PLEKHF2: variants seen among roughly 807,000 people sequenced by gnomAD.
PLEKHF2 encodes pleckstrin homology domain-containing family F member 2.
In PLEKHF2, 4 loss-of-function variants were observed where a neutral mutation model predicts 14.7. That is an observed-to-expected ratio of 0.27 (90% confidence interval 0.13 to 0.62). The LOEUF (loss-of-function observed/expected upper bound fraction) is 0.62. Ranked by LOEUF, PLEKHF2 falls within the 20% of genes least tolerant of loss-of-function variation. The pLI, the probability that PLEKHF2 is intolerant of heterozygous loss-of-function variation, is 0.85. For synonymous variants in PLEKHF2, 90 were observed against 103.5 expected (o/e 0.87, Z 0.79); for missense variants, 201 against 307.7 (o/e 0.65, Z 2.60).
chr8:95,145,437 TTTC>T (rs1810487243), intron 1 of PLEKHF2, among the ~76,000 whole-genome samples: 1 of 152,004 alleles, frequency 6.6e-6, no homozygotes, highest in Admixed American at 6.6e-5. Flanking sequence ...TTTTGAAATA[TTTC>T]TTTTTTTTTT....
chr8:95,136,331 TATACACACACACACACACACACAC>T (rs1171230728), intron 1 of PLEKHF2, among the ~76,000 whole-genome samples: 1 of 107,736 alleles, frequency 9.3e-6, no homozygotes, highest in African/African-American at 4.0e-5. Flanking sequence ...TTTTATTATA[TATACACACACACACACACACACAC>T]ACACACACAC....
intron 1 of PLEKHF2, among the ~76,000 whole-genome samples, chr8:95,142,150 T>C (rs1316063417): frequency 2.0e-5 from 3 of 152,224 alleles, no homozygotes; most frequent in South Asian, 2.1e-4. Context: ...TGTAACTGTT[T>C]TGAATGATAC....
At chr8:95,150,132 T>G (rs1357671969) in intron 1 of PLEKHF2, among the ~76,000 whole-genome samples, 1 of 152,092 alleles carries the variant, frequency 6.6e-6, no homozygotes, top group Non-Finnish European at 1.5e-5. Flanking sequence ...CTCCACTCCT[T>G]TCTTTCCTTG....
chr8:95,154,488 C>A lies in PLEKHF2; in HGVS notation c.444C>A (p.Val148=). ...CACCCAGTAATGAACATGCTGCTGT[C>A]TGGGTTCCTGACTCTGAGGCAACTG... ...GKTPSNEHAA[V]WVPDSEATVC... is the part of the protein sequence containing the mutation. The change falls in exon 2 of 2, where the codon GTC becomes GTA. Residue 148 remains valine, a synonymous_variant. Coordinates refer to ENST00000315367, the MANE Select transcript of PLEKHF2 (RefSeq NM_024613.4). This position sits in a 1 kb window ranked among gnomAD's most constrained non-coding sequence, Gnocchi z 5.6. The A allele has an allele frequency of 6.2e-7, 1 of 1,614,122 alleles. No homozygotes were observed. The highest frequency in any genetic ancestry group is 1.1e-5 in the South Asian group (1 of 91,082).
chr8:95,154,908 A>G lies in PLEKHF2; in HGVS notation c.*114A>G, dbSNP rs1810600110. ...TGTTCTAGCCATGAATTTGCCTGAG[A>G]AACTTGTAACCTATGTGCCTCAATA... is the stretch of plus-strand genomic sequence containing the variant. On this transcript the variant is annotated 3_prime_UTR_variant, in exon 2 of 2. Coordinates refer to ENST00000315367, the MANE Select transcript of PLEKHF2 (RefSeq NM_024613.4). This position sits in a 1 kb window ranked among gnomAD's most constrained non-coding sequence, Gnocchi z 5.6. The G allele has an allele frequency of 7.5e-7, 1 of 1,335,124 alleles. No homozygotes were observed. Among genetic ancestry groups the G allele is most frequent in the South Asian group, 1.4e-5 (1 of 70,590 alleles). 82.7% of individuals were successfully genotyped at this position (1,335,124 alleles called of 1,614,324 possible). A position where few individuals can be genotyped will look rare whatever the true frequency, so the allele number is the denominator to read the frequency against.
chr8:95,139,578 A>G (rs1810418412), intron 1 of PLEKHF2, among the ~76,000 whole-genome samples: 1 of 151,252 alleles, frequency 6.6e-6, no homozygotes, highest in Admixed American at 6.6e-5. Context: ...TGAAGTTTTA[A>G]AAGTTTAGGT....
At chr8:95,140,717 C>G (rs1810430470) in intron 1 of PLEKHF2, among the ~76,000 whole-genome samples, 1 of 152,152 alleles carries the variant, frequency 6.6e-6, no homozygotes, top group African/African-American at 2.4e-5. Context: ...CTTACAAGAC[C>G]TGTTCCTAGA....
intron 1 of PLEKHF2, among the ~76,000 whole-genome samples, chr8:95,138,681 T>C (rs1328841909): frequency 1.3e-5 from 2 of 152,292 alleles, no homozygotes; most frequent in South Asian, 4.1e-4. Flanking sequence ...AAATAACAAG[T>C]AGGCTTATAC....
chr8:95,146,018 A>G (rs769372526), intron 1 of PLEKHF2, among the ~76,000 whole-genome samples: 1 of 151,896 alleles, frequency 6.6e-6, no homozygotes. Context: ...TTCCTTTTAC[A>G]TTTTCGGTAA....
chr8:95,135,512 C>T (rs1810365795), intron 1 of PLEKHF2, among the ~76,000 whole-genome samples: 1 of 152,098 alleles, frequency 6.6e-6, no homozygotes, highest in South Asian at 2.1e-4. Context: ...CCAGGTGATC[C>T]ACCTCGGCCT....
intron 1 of PLEKHF2, 85 bp from the exon 2 acceptor site, chr8:95,153,946 T>C: frequency 1.8e-6 from 2 of 1,097,874 alleles, no homozygotes; most frequent in Non-Finnish European, 2.4e-6. Context: ...GTAAAAGCAA[T>C]GATTTGTTAG....
chr8:95,145,120 A>G (rs921759110), intron 1 of PLEKHF2, among the ~76,000 whole-genome samples: 5 of 152,076 alleles, frequency 3.3e-5, no homozygotes, highest in African/African-American at 1.2e-4. Context: ...AGTAATAGGC[A>G]TATTTGGTGC....
intron 1 of PLEKHF2, among the ~76,000 whole-genome samples, chr8:95,139,721 C>T (rs1013384610): frequency 3.9e-5 from 6 of 152,056 alleles, no homozygotes; most frequent in Non-Finnish European, 8.8e-5. Context: ...CCCCCTCCAC[C>T]CCCTTTCTCC....
Position 95,134,776 on chromosome 8 carries a change from C to T in PLEKHF2, c.-15+746C>T, listed in dbSNP as rs1306658350. Among the ~76,000 whole-genome samples the T allele has an allele frequency of 2.0e-5, 3 of 152,192 alleles. No individual in the cohort carries two copies. The East Asian group carries it at 5.8e-4, about 29-fold the overall frequency. ...GTATGAAGGTTACAGACACCTAAGC[C>T]CTCCTCGGTAATTCATAGACTCACA... On this transcript the variant is annotated intron_variant, in intron 1 of 1. Transcript: ENST00000315367.
chr8:95,154,669 G>T lies in PLEKHF2; in HGVS notation c.625G>T (p.Asp209Tyr). The change falls in exon 2 of 2, where the codon GAC becomes TAC. Residue 209 changes from aspartate (D) to tyrosine (Y), a missense_variant. Physicochemically the swap from Asp to Tyr is radical, Grantham distance 160. Transcript: ENST00000315367. The surrounding 1 kb of genome is among the most constrained non-coding windows in gnomAD (Gnocchi z 5.6). ...TGTGCGGATTTGTGACTTCTGCTAT[G>T]ACCTGCTTTCTGCTGGGGACATGGC... ...KPVRICDFCY[D>Y]LLSAGDMATC... 6 of 1,614,078 alleles carry T rather than the reference G, an allele frequency of 3.7e-6. No individual in the cohort carries two copies.
rs751482927 is a variant in PLEKHF2 at position 95,156,258 on chromosome 8, C to T, written c.*1464C>T. On this transcript the variant is annotated 3_prime_UTR_variant, in exon 2 of 2. Coordinates refer to ENST00000315367, the MANE Select transcript of PLEKHF2 (RefSeq NM_024613.4). ...AAAAAATCTTCAAATCTGAATATAC[C>T]GCAAATGTCATGAGAAGTTTGATTC... 2.6e-4 allele frequency: 44 copies of T among 166,856 alleles called. No individual in the cohort carries two copies. The highest frequency in any genetic ancestry group is 3.7e-4 in the Non-Finnish European group (25 of 68,034). 10.3% of individuals were successfully genotyped at this position (166,856 alleles called of 1,614,324 possible). A position where few individuals can be genotyped will look rare whatever the true frequency, so the allele number is the denominator to read the frequency against.
chr8:95,139,293 G>A (rs1810413972), intron 1 of PLEKHF2, among the ~76,000 whole-genome samples: 1 of 152,102 alleles, frequency 6.6e-6, no homozygotes, highest in African/African-American at 2.4e-5. Flanking sequence ...CAGATTGCTC[G>A]AGTCCAGGAG....
At chr8:95,153,536 G>A (rs141750479) in intron 1 of PLEKHF2, among the ~76,000 whole-genome samples, 37 of 152,306 alleles carry the variant, frequency 2.4e-4, no homozygotes, top group Middle Eastern at 3.4e-3. Flanking sequence ...GGGCAAGATT[G>A]AAGGCCAGGA....
chr8:95,153,797 C>G (rs913339079), intron 1 of PLEKHF2, among the ~76,000 whole-genome samples: 9 of 152,076 alleles, frequency 5.9e-5, no homozygotes, highest in African/African-American at 2.2e-4. Context: ...TTTACAAATA[C>G]CTGCTTAACT....
Sources: allele counts gnomAD v4.1 joint callset (sites outside exome capture counted in the v4.1 genomes callset), GRCh38; gene constraint gnomAD v4.1.1; non-coding constraint Gnocchi (gnomAD v3.1); transcripts MANE v1.5; gene names NCBI Gene and HGNC (gene_info 2026-07-23, HGNC 2026-07-21).